Variants in CD36 observed in about 807,000 individuals in gnomAD.
The protein encoded by CD36 is platelet glycoprotein 4.
Under a neutral mutation model 55.2 loss-of-function variants are expected in CD36, and 119 were observed. The observed-to-expected ratio is 2.15, with a 90% CI of 1.86 to 2.51. CD36 has a LOEUF of 2.51. Ranked by LOEUF, CD36 falls within the 30% of genes most tolerant of loss-of-function variation. CD36 has a pLI of 0.00. For synonymous variants in CD36, 186 were observed against 193.6 expected (o/e 0.96, Z 0.33); for missense variants, 819 against 555.5 (o/e 1.47, Z -4.77).
chr7:80,619,606 C>T (rs1396052194), intron 1 of CD36, among the ~76,000 whole-genome samples: 1 of 142,580 alleles, frequency 7.0e-6, no homozygotes, highest in Non-Finnish European at 1.5e-5. Flanking sequence ...TATTTTGCAC[C>T]AGTGCACTCC....
intron 3 of CD36, among the ~76,000 whole-genome samples, chr7:80,650,067 T>C (rs1795482059): frequency 6.6e-6 from 1 of 152,092 alleles, no homozygotes; most frequent in Non-Finnish European, 1.5e-5. Context: ...GAAATAAGAA[T>C]TATCCGTGCA....
intron 12 of CD36, 111 bp downstream of exon 12, chr7:80,672,954 C>CTTATCTTTAGCTTAAT (rs1797859270): frequency 2.7e-6 from 2 of 747,444 alleles, no homozygotes; most frequent in Non-Finnish European, 4.8e-6. Flanking sequence ...CTGATATCAA[C>CTTATCTTTAGCTTAAT]TTATCTTTAG....
chr7:80,672,951 C>A, intron 12 of CD36, 108 bp downstream of exon 12: 2 of 752,676 alleles, frequency 2.7e-6, no homozygotes, highest in Non-Finnish European at 4.7e-6. Flanking sequence ...CATCTGATAT[C>A]AACTTATCTT....
At chr7:80,622,100 T>C (rs1007357725) in intron 1 of CD36, among the ~76,000 whole-genome samples, 7 of 152,222 alleles carry the variant, frequency 4.6e-5, no homozygotes, top group South Asian at 4.1e-4. Flanking sequence ...AAAGGCCCCA[T>C]ACCCAGCCAC....
Position 80,663,442 on chromosome 7 carries a change from G to A in CD36, c.609+273G>A, listed in dbSNP as rs139899082. ...ATACACAATTTTTTTTAAATTAGCC[G>A]GTAAGCTAGTCTGTAAATCTTTGAG... On this transcript the variant is annotated intron_variant, in intron 6 of 14. Transcript: ENST00000447544. Among the ~76,000 whole-genome samples, 1,423 of 151,970 alleles carry A rather than the reference G, an allele frequency of 9.4e-3. 24 individuals carry two copies. Among genetic ancestry groups the A allele is most frequent in the Middle Eastern group, 0.093 (27 of 290 alleles).
At position 80,663,009 on chromosome 7, in the gene CD36, A is replaced by G. The variant is rs368967839; in HGVS notation, c.449A>G (p.Gln150Arg). 1.9e-6 allele frequency: 3 copies of G among 1,612,948 alleles called. No individual in the cohort carries two copies. The highest frequency in any genetic ancestry group is 2.7e-5 in the African/African-American group (2 of 74,888). Residue 150 changes from glutamine (Q) to arginine (R), a missense_variant, in exon 6 of 15, where the codon CAA becomes CGA. Transcript: ENST00000447544. ...LAVAAASHIY[Q>R]NQFVQMILNS... ...TTGTAGGCTGCATCCCATATCTATC[A>G]AAATCAATTTGTTCAAATGATCCTC...
Position 80,611,668 on chromosome 7 carries a change from C to T in CD36, c.-184+9289C>T, listed in dbSNP as rs1199560852. Among the ~76,000 whole-genome samples, 4 of 152,114 alleles carry T rather than the reference C, an allele frequency of 2.6e-5. No individual in the cohort carries two copies. In the East Asian group the frequency reaches 7.7e-4, roughly 29 times the overall value. ...GGAAAAATCTATTCTAGAATTTGGA[C>T]TTCGGTTGGTTGGTTGGGGAGGGTC... On this transcript the variant is annotated intron_variant, in intron 1 of 13. Transcript: ENST00000309881.
intron 1 of CD36, among the ~76,000 whole-genome samples, chr7:80,623,719 C>T (rs1191769321): frequency 6.6e-6 from 1 of 152,126 alleles, no homozygotes; most frequent in Non-Finnish European, 1.5e-5. Flanking sequence ...TGTTTCTTCT[C>T]CCAGACCAGG....
chr7:80,618,271 T>C (rs995003427), intron 1 of CD36, among the ~76,000 whole-genome samples: 5 of 152,080 alleles, frequency 3.3e-5, no homozygotes, highest in Non-Finnish European at 7.4e-5. Flanking sequence ...TGTTGTGTAT[T>C]GTTTGTGTTC....
chr7:80,602,337 C>A (rs1792284765), exon 1 of CD36: 1 of 152,136 alleles, frequency 6.6e-6, no homozygotes, highest in Non-Finnish European at 1.5e-5. Flanking sequence ...TGGAGCCAGT[C>A]TTGAGGTCCT....
rs551573138 is a variant in CD36, at chr7:80,677,938, C to A, written c.*1555C>A. 22 of 152,132 alleles carry A rather than the reference C, an allele frequency of 1.4e-4. No homozygotes were observed. The highest frequency in any genetic ancestry group is 4.6e-4 in the African/African-American group (19 of 41,494). The allele number at this position is 152,132 out of a possible 1,614,324, so 9.4% of individuals were successfully genotyped here. Reference sequence around the variant, plus strand: ...AATACATGTATAATCTTTATCATTCCTCAGTGTTTCATTTCTCAAATTCTG... The same window carrying A: ...AATACATGTATAATCTTTATCATTCATCAGTGTTTCATTTCTCAAATTCTG... On this transcript the variant is annotated 3_prime_UTR_variant, in exon 15 of 15. Transcript: ENST00000447544.
At chr7:80,622,219 A>G (rs963127892) in intron 1 of CD36, among the ~76,000 whole-genome samples, 16 of 152,326 alleles carry the variant, frequency 1.1e-4, no homozygotes, top group Non-Finnish European at 2.1e-4. Flanking sequence ...TCACCCTTCA[A>G]TATTCACCAT....
rs556656426 is a variant in CD36 at position 80,621,639 on chromosome 7, T to A, written c.-184+19260T>A. ...CAAATAATTTAAAGGTCATTTATATTTTTTTAAAAAAATCCAAAGAACACT... is the reference window on the plus strand; with the variant it reads ...CAAATAATTTAAAGGTCATTTATATATTTTTAAAAAAATCCAAAGAACACT... On this transcript the variant is annotated intron_variant, in intron 1 of 13. Coordinates refer to the CD36 transcript ENST00000309881. Among the ~76,000 whole-genome samples, 213 of 152,352 alleles carry A rather than the reference T, an allele frequency of 1.4e-3. 2 individuals are homozygous for A. Among genetic ancestry groups the A allele is most frequent in the African/African-American group, 5.0e-3 (207 of 41,584 alleles).
chr7:80,667,773 C>T (rs1315316321), intron 8 of CD36, among the ~76,000 whole-genome samples: 3 of 44,144 alleles, frequency 6.8e-5, no homozygotes, highest in African/African-American at 2.0e-4. Flanking sequence ...TTTTTTGAGA[C>T]ATAGTCTGGC....
intron 2 of CD36, 114 bp from the exon 3 acceptor site, chr7:80,646,538 A>G: frequency 1.6e-6 from 1 of 613,084 alleles, no homozygotes; most frequent in Non-Finnish European, 2.8e-6. Context: ...AAAGAAAAGC[A>G]TTTGTTTATT....
At chr7:80,621,484 C>T (rs1379244209) in intron 1 of CD36, among the ~76,000 whole-genome samples, 1 of 152,018 alleles carries the variant, frequency 6.6e-6, no homozygotes, top group Non-Finnish European at 1.5e-5. Context: ...ATAGCTGACT[C>T]GTGGTAATAG....
At chr7:80,623,047 A>C (rs1385383001) in intron 1 of CD36, among the ~76,000 whole-genome samples, 1 of 150,776 alleles carries the variant, frequency 6.6e-6, no homozygotes, top group African/African-American at 2.4e-5. Flanking sequence ...GTAGAGACTT[A>C]TCTAGTAATA....
chr7:80,654,737 G>A (rs866665415), intron 3 of CD36, among the ~76,000 whole-genome samples: 2 of 152,112 alleles, frequency 1.3e-5, no homozygotes, highest in African/African-American at 4.8e-5. Context: ...TTACAGCAGC[G>A]TAGGATTTTG....
rs1562812321 is a variant in CD36 at position 80,664,496 on chromosome 7, A to C, written c.700A>C (p.Arg234=). The C allele has an allele frequency of 1.3e-6, 2 of 1,496,590 alleles. No individual in the cohort carries two copies. The highest frequency in any genetic ancestry group is 2.3e-5 in the South Asian group (2 of 88,698). 92.7% of individuals were successfully genotyped at this position (1,496,590 alleles called of 1,614,324 possible). A position where few individuals can be genotyped will look rare whatever the true frequency, so the allele number is the denominator to read the frequency against. The part of the protein sequence containing the change: ...VAIIDTYKGK[R]NLSYWESHCD... ...CATAATCGACACATATAAAGGTAAA[A>C]GGTAAGTATTCTGGTAAAATGTGCA... The change falls in exon 7 of 15, where the codon AGG becomes CGG. Residue 234 remains arginine (R), a splice_region_variant and synonymous_variant. Coordinates refer to ENST00000447544, the MANE Select transcript of CD36 (RefSeq NM_001001548.3).
Sources: allele counts gnomAD v4.1 joint callset (sites outside exome capture counted in the v4.1 genomes callset), GRCh38; gene constraint gnomAD v4.1.1; transcripts MANE v1.5; gene names NCBI Gene and HGNC (gene_info 2026-07-23, HGNC 2026-07-21).